SLC38A9: variants seen among roughly 807,000 people sequenced by gnomAD.
The protein encoded by SLC38A9 is neutral amino acid transporter 9.
A neutral mutation model predicts 62.3 loss-of-function variants in SLC38A9; 48 were observed. The ratio of observed to expected loss-of-function variants is 0.77; its 90% CI spans 0.61 to 0.98. The LOEUF (loss-of-function observed/expected upper bound fraction) is 0.98. SLC38A9 is among the 50% of genes least tolerant of loss of function. The probability of loss-of-function intolerance (pLI) is 0.00; values close to 1 mark genes in which losing one functional copy is unlikely to be tolerated. For missense variants in SLC38A9, 541 were observed against 679.8 expected, an observed-to-expected ratio of 0.80 and a Z score of 2.27; for synonymous variants, 204 against 227.7, an observed-to-expected ratio of 0.90 and a Z score of 0.94.
At chr5:55,703,866 T>C (rs1756959659) in intron 2 of SLC38A9, among the ~76,000 whole-genome samples, 1 of 152,154 alleles carries the variant, frequency 6.6e-6, no homozygotes, top group South Asian at 2.1e-4. Flanking sequence ...TCTATATAAA[T>C]AGGCCTGGCA....
chr5:55,660,810 T>C (rs955006115), intron 8 of SLC38A9, among the ~76,000 whole-genome samples: 1 of 152,028 alleles, frequency 6.6e-6, no homozygotes, highest in Non-Finnish European at 1.5e-5. Flanking sequence ...GGGGGGGTGA[T>C]CAGAAAAAAA....
intron 2 of SLC38A9, among the ~76,000 whole-genome samples, chr5:55,700,035 C>G (rs1011272325): frequency 6.6e-6 from 1 of 151,980 alleles, no homozygotes; most frequent in South Asian, 2.1e-4. Context: ...ATAAACATTA[C>G]AGGGTTTGAA....
chr5:55,669,685 C>T (rs11749883), intron 5 of SLC38A9, 65 bp from the exon 6 acceptor site: 985,972 of 1,580,240 alleles, frequency 0.62, 311,745 homozygotes, highest in South Asian at 0.65. Flanking sequence ...TTAATTGAGA[C>T]AAAAATTTAA....
At chr5:55,711,361 T>C (rs1758027514) in intron 2 of SLC38A9, 91 bp downstream of exon 2, 1 of 151,968 alleles carries the variant, frequency 6.6e-6, no homozygotes, top group Non-Finnish European at 1.5e-5. Flanking sequence ...CAACTTATAG[T>C]GTGCTCATCT....
At chr5:55,670,880 G>A (rs921203902) in intron 4 of SLC38A9, among the ~76,000 whole-genome samples, 5 of 151,624 alleles carry the variant, frequency 3.3e-5, no homozygotes, top group Non-Finnish European at 7.4e-5. Context: ...AGGGGAAAAA[G>A]CCGAAAAAAA....
At chr5:55,706,999 T>C (rs182640136) in intron 2 of SLC38A9, among the ~76,000 whole-genome samples, 2 of 151,868 alleles carry the variant, frequency 1.3e-5, no homozygotes, top group African/African-American at 4.8e-5. Context: ...TGGAGTGCAG[T>C]AGTGCCATCT....
At chr5:55,680,588 A>T (rs377221084) in intron 3 of SLC38A9, among the ~76,000 whole-genome samples, 1,036 of 95,248 alleles carry the variant, frequency 0.011, 12 homozygotes, top group African/African-American at 0.032. Context: ...CAGACTTCTC[A>T]GCTTCCAGAT....
At chr5:55,710,468 A>T (rs1457928323) in intron 2 of SLC38A9, among the ~76,000 whole-genome samples, 1 of 152,068 alleles carries the variant, frequency 6.6e-6, no homozygotes, top group Non-Finnish European at 1.5e-5. Flanking sequence ...TCAGCCTCCC[A>T]AAAGTGTTGG....
At chr5:55,682,042 CAG>C (rs1163637835) in intron 3 of SLC38A9, among the ~76,000 whole-genome samples, 1 of 94,774 alleles carries the variant, frequency 1.1e-5, no homozygotes, top group Non-Finnish European at 2.6e-5. Flanking sequence ...CTTAAGGACT[CAG>C]ATGTGGAAAA....
At chr5:55,701,163 T>C (rs182304366) in intron 2 of SLC38A9, among the ~76,000 whole-genome samples, 67 of 152,314 alleles carry the variant, frequency 4.4e-4, no homozygotes, top group African/African-American at 1.5e-3. Context: ...CATAAACATT[T>C]TTCCATCATT....
At chr5:55,706,750 G>C (rs1376122722) in intron 2 of SLC38A9, among the ~76,000 whole-genome samples, 8 of 152,126 alleles carry the variant, frequency 5.3e-5, no homozygotes. Flanking sequence ...GTCTCAATTA[G>C]TCAATTAGCA....
In SLC38A9 at chr5:55,649,397, C is replaced by T. The variant is rs1746976774; in HGVS notation, c.953-83G>A. ...TAAAATCAAGCATTGTTTCCATAGTCTCAGCAAAGTGTGGGAAACTGTTAA... is the reference window on the plus strand; with the variant it reads ...TAAAATCAAGCATTGTTTCCATAGTTTCAGCAAAGTGTGGGAAACTGTTAA... On this transcript the variant is annotated intron_variant, in intron 10 of 15. Coordinates refer to ENST00000396865, the MANE Select transcript of SLC38A9 (RefSeq NM_173514.4). 6.1e-6 allele frequency: 5 copies of T among 816,208 alleles called. No individual in the cohort carries two copies. The Admixed American group carries it at 1.3e-4, about 21-fold the overall frequency. 50.6% of individuals were successfully genotyped at this position (816,208 alleles called of 1,614,324 possible).
intron 10 of SLC38A9, 98 bp downstream of exon 10, chr5:55,652,431 C>A: frequency 2.2e-6 from 1 of 449,996 alleles, no homozygotes; most frequent in Non-Finnish European, 3.6e-6. Context: ...CACAGATGAA[C>A]AGGCTTGGAA....
At chr5:55,644,419 G>T (rs1745964932) in intron 12 of SLC38A9, among the ~76,000 whole-genome samples, 1 of 151,344 alleles carries the variant, frequency 6.6e-6, no homozygotes, top group South Asian at 2.1e-4. Context: ...TGGATCAGTT[G>T]CATTTTTTGT....
chr5:55,708,424 A>G (rs1416035483), intron 2 of SLC38A9, among the ~76,000 whole-genome samples: 1 of 152,262 alleles, frequency 6.6e-6, no homozygotes, highest in African/African-American at 2.4e-5. Flanking sequence ...ACATTATTTT[A>G]AAAAGGTATT....
chr5:55,627,840 G>A (rs73119720), intron 15 of SLC38A9, 51 bp downstream of exon 15: 32,324 of 1,140,006 alleles, frequency 0.028, 783 homozygotes, highest in African/African-American at 0.12. Flanking sequence ...GGAAAAGCCT[G>A]AAAATAAAGA....
intron 7 of SLC38A9, among the ~76,000 whole-genome samples, chr5:55,667,002 G>T (rs570525764): frequency 2.0e-5 from 3 of 151,072 alleles, no homozygotes; most frequent in Non-Finnish European, 4.4e-5. Context: ...GTGACAGAGT[G>T]AGACTCCGTC....
At chr5:55,698,732 T>C (rs55840933) in intron 2 of SLC38A9, among the ~76,000 whole-genome samples, 91,203 of 152,020 alleles carry the variant, frequency 0.6, 27,936 homozygotes, top group South Asian at 0.7. Context: ...AGTCTGAGAT[T>C]AGCCTGGGCA....
chr5:55,689,592 T>C (rs1359509494), intron 3 of SLC38A9, among the ~76,000 whole-genome samples: 1 of 152,198 alleles, frequency 6.6e-6, no homozygotes, highest in Non-Finnish European at 1.5e-5. Context: ...TGTGTTACAA[T>C]ATTGAGCAGA....
Sources: allele counts gnomAD v4.1 joint callset (sites outside exome capture counted in the v4.1 genomes callset), GRCh38; gene constraint gnomAD v4.1.1; transcripts MANE v1.5; gene names NCBI Gene and HGNC (gene_info 2026-07-23, HGNC 2026-07-21).